RANBP17: variants seen among roughly 807,000 people sequenced by gnomAD.
RANBP17 encodes ran-binding protein 17.
Under a neutral mutation model 141.2 loss-of-function variants are expected in RANBP17, and 158 were observed. The observed-to-expected ratio is 1.12, with a 90% CI of 0.98 to 1.28. The LOEUF is 1.28. Ranked by LOEUF, RANBP17 falls within the 50% of genes most tolerant of loss-of-function variation. The probability of loss-of-function intolerance (pLI) is 0.00; values close to 1 mark genes in which losing one functional copy is unlikely to be tolerated. For synonymous variants in RANBP17, 430 were observed against 450.0 expected, an observed-to-expected ratio of 0.96 and a Z score of 0.56; for missense variants, 1,438 against 1,290.7, an observed-to-expected ratio of 1.11 and a Z score of -1.75.
At chr5:170,990,791 G>A (rs1778454555) in intron 14 of RANBP17, among the ~76,000 whole-genome samples, 1 of 151,878 alleles carries the variant, frequency 6.6e-6, no homozygotes, top group Non-Finnish European at 1.5e-5. Context: ...GATCAACATA[G>A]CTACAGGGCT....
intron 5 of RANBP17, chr5:170,903,836 G>C (rs1353046279): frequency 4.6e-6 from 2 of 436,652 alleles, no homozygotes; most frequent in Non-Finnish European, 8.9e-6. Flanking sequence ...TGGCAAATTT[G>C]CTCAACCTAA....
chr5:171,175,892 A>G (rs1187737425), intron 16 of RANBP17, among the ~76,000 whole-genome samples: 1 of 152,022 alleles, frequency 6.6e-6, no homozygotes, highest in Non-Finnish European at 1.5e-5. Context: ...TAGCTACATA[A>G]TTTGCAGGGC....
At chr5:171,238,159 T>C (rs945274428) in intron 22 of RANBP17, among the ~76,000 whole-genome samples, 4 of 152,210 alleles carry the variant, frequency 2.6e-5, no homozygotes, top group Non-Finnish European at 5.9e-5. Context: ...TATTAATTAC[T>C]GTCTTAACCC....
At chr5:171,129,891 T>TCA (rs1271604069) in intron 14 of RANBP17, among the ~76,000 whole-genome samples, 1 of 152,138 alleles carries the variant, frequency 6.6e-6, no homozygotes, top group Admixed American at 6.5e-5. Context: ...TTGTTATCTT[T>TCA]CACAATCATA....
intron 13 of RANBP17, among the ~76,000 whole-genome samples, chr5:170,954,345 C>T (rs534769514): frequency 4.6e-5 from 7 of 152,150 alleles, no homozygotes; most frequent in Middle Eastern, 3.4e-3. Context: ...TTTTAATTAA[C>T]GTGTATGGGT....
chr5:170,933,906 G>A (rs1022272098), intron 12 of RANBP17, among the ~76,000 whole-genome samples: 4 of 152,202 alleles, frequency 2.6e-5, no homozygotes, highest in Non-Finnish European at 4.4e-5. Context: ...TTGGGGTGGA[G>A]CGTTCTGTAG....
chr5:170,874,847 T>C (rs1157323712), intron 1 of RANBP17, among the ~76,000 whole-genome samples: 1 of 152,202 alleles, frequency 6.6e-6, no homozygotes. Flanking sequence ...AATATTGTTA[T>C]GTGTGAATTT....
intron 14 of RANBP17, among the ~76,000 whole-genome samples, chr5:170,979,398 C>A (rs1683508745): frequency 6.6e-6 from 1 of 152,180 alleles, no homozygotes; most frequent in African/African-American, 2.4e-5. Context: ...TGTCCCCTTG[C>A]AACTGTATCA....
At chr5:171,227,071 C>T (rs1378990193) in intron 22 of RANBP17, among the ~76,000 whole-genome samples, 1 of 152,070 alleles carries the variant, frequency 6.6e-6, no homozygotes, top group East Asian at 1.9e-4. Context: ...TGAAATCAGG[C>T]CAATGAATAA....
intron 3 of RANBP17, among the ~76,000 whole-genome samples, chr5:170,886,486 G>A (rs1044308826): frequency 4.6e-5 from 7 of 152,044 alleles, no homozygotes; most frequent in Non-Finnish European, 5.9e-5. Context: ...ACTGTGGTTG[G>A]AACATGTACA....
chr5:171,077,178 A>G (rs1784981381), intron 14 of RANBP17, among the ~76,000 whole-genome samples: 1 of 152,108 alleles, frequency 6.6e-6, no homozygotes, highest in Non-Finnish European at 1.5e-5. Context: ...TCTCTACTAA[A>G]ACTACAAAAA....
chr5:170,886,904 C>T (rs1405558311), intron 3 of RANBP17, among the ~76,000 whole-genome samples: 2 of 152,022 alleles, frequency 1.3e-5, no homozygotes, highest in East Asian at 3.9e-4. Flanking sequence ...CTCAAGCGAT[C>T]CGCCTGCCTC....
intron 12 of RANBP17, among the ~76,000 whole-genome samples, chr5:170,926,190 C>T (rs1459701074): frequency 4.7e-5 from 4 of 85,982 alleles, no homozygotes; most frequent in Non-Finnish European, 1.1e-4. Context: ...CTACTCAAGT[C>T]TGCCTTTAGC....
intron 12 of RANBP17, among the ~76,000 whole-genome samples, chr5:170,945,996 T>G (rs909876743): frequency 3.3e-5 from 5 of 152,166 alleles, no homozygotes; most frequent in African/African-American, 1.2e-4. Context: ...TCTGTCTAGC[T>G]AATTGACAAC....
chr5:170,929,779 G>GT (rs1773199069), intron 12 of RANBP17, among the ~76,000 whole-genome samples: 1 of 152,098 alleles, frequency 6.6e-6, no homozygotes, highest in South Asian at 2.1e-4. Flanking sequence ...AATTTGTGTA[G>GT]TATTGCTATT....
chr5:171,031,130 C>T (rs1781524174), intron 14 of RANBP17, among the ~76,000 whole-genome samples: 1 of 151,486 alleles, frequency 6.6e-6, no homozygotes, highest in Admixed American at 6.6e-5. Context: ...AACATTAGAG[C>T]AGGATGAGCT....
chr5:171,253,705 A>G (rs994084829), intron 24 of RANBP17, among the ~76,000 whole-genome samples: 1 of 152,208 alleles, frequency 6.6e-6, no homozygotes, highest in African/African-American at 2.4e-5. Flanking sequence ...TGATTCTGTC[A>G]GTAAATTTGA....
At chr5:171,145,466 A>G (rs1350952348) in intron 14 of RANBP17, among the ~76,000 whole-genome samples, 6 of 152,204 alleles carry the variant, frequency 3.9e-5, no homozygotes, top group Non-Finnish European at 5.9e-5. Flanking sequence ...GAAACAATGC[A>G]TATTCTAAAG....
chr5:170,942,268 G>T (rs1774385705), intron 12 of RANBP17, among the ~76,000 whole-genome samples: 1 of 152,112 alleles, frequency 6.6e-6, no homozygotes, highest in South Asian at 2.1e-4. Context: ...CACCAAAAAG[G>T]TAGGGGACTG....
Sources: gnomAD v4.1 joint callset for allele counts (sites outside exome capture counted in the v4.1 genomes callset) on GRCh38, gnomAD v4.1.1 for gene constraint, MANE v1.5 for transcripts, NCBI Gene and HGNC (gene_info 2026-07-23, HGNC 2026-07-21) for gene names.